Variants in TMC5 observed in about 807,000 individuals in gnomAD.
The protein encoded by TMC5 is transmembrane channel-like protein 5.
A neutral mutation model predicts 110.5 loss-of-function variants in TMC5; 86 were observed. That is an observed-to-expected ratio of 0.78 (90% CI 0.65 to 0.93). The LOEUF is 0.93. TMC5 is among the 40% of genes least tolerant of loss of function. TMC5 has a pLI of 0.00. For synonymous variants in TMC5, 455 were observed against 439.5 expected, an observed-to-expected ratio of 1.04 and a Z score of -0.44; for missense variants, 1,144 against 1,222.8, an observed-to-expected ratio of 0.94 and a Z score of 0.96.
At chr16:19,458,455 T>A (rs933174283) in intron 5 of TMC5, among the ~76,000 whole-genome samples, 1 of 152,078 alleles carries the variant, frequency 6.6e-6, no homozygotes, top group Admixed American at 6.6e-5. Context: ...TCAGGTGATC[T>A]GCCTGGCTTG....
At position 19,481,403 on chromosome 16, in the gene TMC5, C is replaced by T. The variant is rs1311615715; in HGVS notation, c.2301C>T (p.Gly767=). 6.2e-7 allele frequency: 1 copy of T among 1,613,998 alleles called. No homozygotes were observed. The highest frequency in any genetic ancestry group is 8.5e-7 in the Non-Finnish European group (1 of 1,179,906). Residue 767 remains glycine, a synonymous_variant, in exon 15 of 22, where the codon GGC becomes GGT. Transcript: ENST00000542583. ...IIGMQLITSL[G]LQEFDIARNV... ...GGATGCAACTGATCACAAGTCTTGG[C>T]CTTCAGGAGTTTGACATTGCCAGGA...
Position 19,440,290 on chromosome 16 carries a change from T to C in TMC5, c.252T>C (p.Ser84=). Residue 84 remains serine, a synonymous_variant, in exon 3 of 22, where the codon TCT becomes TCC. Transcript: ENST00000542583. The part of the protein sequence containing the change: ...YPRSLSNPDY[S]GTRSNAYSAA... ...GATCTCTGAGTAATCCAGACTATTC[T>C]GGCACCAGAAGCAATGCATACTCTG... 4.3e-6 allele frequency: 7 copies of C among 1,614,114 alleles called. No individual in the cohort carries two copies. Among genetic ancestry groups the C allele is most frequent in the Non-Finnish European group, 5.9e-6 (7 of 1,180,014 alleles).
At chr16:19,473,483 A>T (rs966366044) in intron 11 of TMC5, among the ~76,000 whole-genome samples, 2 of 150,334 alleles carry the variant, frequency 1.3e-5, no homozygotes, top group Admixed American at 1.3e-4. Flanking sequence ...GCTAAACAGG[A>T]GGGAGCACAT....
intron 15 of TMC5, among the ~76,000 whole-genome samples, chr16:19,485,749 T>C (rs1968724687): frequency 6.6e-6 from 1 of 152,238 alleles, no homozygotes; most frequent in African/African-American, 2.4e-5. Flanking sequence ...TTGCTAAGGC[T>C]CTCAGCCCGA....
At chr16:19,447,471 A>G (rs1967639538) in intron 4 of TMC5, among the ~76,000 whole-genome samples, 1 of 152,186 alleles carries the variant, frequency 6.6e-6, no homozygotes, top group Admixed American at 6.5e-5. Flanking sequence ...ATCTACTATA[A>G]CAGTTAATAT....
intron 13 of TMC5, among the ~76,000 whole-genome samples, chr16:19,478,769 T>C (rs1251161479): frequency 6.6e-6 from 1 of 152,028 alleles, no homozygotes; most frequent in Non-Finnish European, 1.5e-5. Flanking sequence ...CATCCATCCA[T>C]CTATATACCC....
chr16:19,463,159 G>C (rs1288915798), intron 6 of TMC5, 121 bp from the exon 7 acceptor site: 1 of 737,798 alleles, frequency 1.4e-6, no homozygotes, highest in African/African-American at 1.7e-5. Flanking sequence ...TGGCCTCAGT[G>C]ATCCTCTTGC....
chr16:19,423,273 C>G (rs1437736026), intron 1 of TMC5, among the ~76,000 whole-genome samples: 4 of 152,170 alleles, frequency 2.6e-5, no homozygotes, highest in Non-Finnish European at 4.4e-5. Context: ...GGATGGTTAA[C>G]AGCATCCCTG....
chr16:19,497,890 G>A (rs202204414), intron 21 of TMC5, 30 bp from the exon 22 acceptor site: 157 of 1,611,956 alleles, frequency 9.7e-5, no homozygotes, highest in Non-Finnish European at 1.2e-4. Context: ...GTGTGCCTGC[G>A]TTAACTTCTC....
chr16:19,480,524 G>A (rs1474524134), intron 14 of TMC5, among the ~76,000 whole-genome samples: 1 of 152,034 alleles, frequency 6.6e-6, no homozygotes, highest in African/African-American at 2.4e-5. Context: ...AAAAGGTTTG[G>A]CCGGGCACAG....
In TMC5 at chr16:19,486,931, T is replaced by C; in HGVS notation, c.2364-14T>C. 1 of 1,612,814 alleles carries C rather than the reference T, an allele frequency of 6.2e-7. No homozygotes were observed. Among genetic ancestry groups the C allele is most frequent in the Non-Finnish European group, 8.5e-7 (1 of 1,179,016 alleles). On this transcript the variant is annotated splice_polypyrimidine_tract_variant and intron_variant, in intron 15 of 21. Transcript: ENST00000542583. ...CTCCGCCAGCCTCTGACACTCACCC[T>C]CTCTCCCTCACAGGATTGGCATCTT...
intron 5 of TMC5, 147 bp downstream of exon 5, chr16:19,449,778 C>T (rs774068735): frequency 6.0e-5 from 41 of 678,142 alleles, no homozygotes; most frequent in Non-Finnish European, 9.8e-5. Context: ...GAGGGAGTTC[C>T]CTTGAAATCT....
At chr16:19,454,593 T>C (rs903160684) in intron 5 of TMC5, among the ~76,000 whole-genome samples, 1 of 152,232 alleles carries the variant, frequency 6.6e-6, no homozygotes. Context: ...ATGGCAGGTA[T>C]CATTACTGTT....
intron 10 of TMC5, 92 bp from the exon 11 acceptor site, chr16:19,471,996 A>G (rs1968354003): frequency 1.5e-6 from 2 of 1,337,128 alleles, no homozygotes; most frequent in East Asian, 2.4e-5. Flanking sequence ...CCTGACCTCA[A>G]GTGATCCACC....
intron 15 of TMC5, among the ~76,000 whole-genome samples, chr16:19,481,974 C>T (rs1968629421): frequency 6.6e-6 from 1 of 152,144 alleles, no homozygotes; most frequent in Non-Finnish European, 1.5e-5. Flanking sequence ...CTAAGCAGGG[C>T]CTCACCAGAC....
chr16:19,485,869 C>T (rs1968728452), intron 15 of TMC5, among the ~76,000 whole-genome samples: 1 of 152,152 alleles, frequency 6.6e-6, no homozygotes, highest in South Asian at 2.1e-4. Context: ...AAGGGAATGC[C>T]TTTCTCATTT....
intron 7 of TMC5, 134 bp downstream of exon 7, chr16:19,463,501 G>T: frequency 1.1e-6 from 1 of 877,698 alleles, no homozygotes. Context: ...GTTAGTACAG[G>T]TGTGGAAAAG....
chr16:19,444,407 G>A (rs371912473), intron 4 of TMC5, among the ~76,000 whole-genome samples, 157 bp downstream of exon 4: 31 of 152,190 alleles, frequency 2.0e-4, no homozygotes, highest in African/African-American at 6.7e-4. Context: ...AGAATTCAGT[G>A]TTTAGAGAAG....
intron 1 of TMC5, among the ~76,000 whole-genome samples, chr16:19,422,225 C>T (rs1966999913): frequency 7.0e-6 from 1 of 143,088 alleles, no homozygotes; most frequent in South Asian, 2.2e-4. Flanking sequence ...AGCTAGACTC[C>T]ATTTCAAAAA....
Sources: gnomAD v4.1 joint callset for allele counts (sites outside exome capture counted in the v4.1 genomes callset) on GRCh38, gnomAD v4.1.1 for gene constraint, MANE v1.5 for transcripts, NCBI Gene and HGNC (gene_info 2026-07-23, HGNC 2026-07-21) for gene names.